Variants in LINGO1 observed in about 807,000 individuals in gnomAD.
LINGO1 encodes the protein leucine rich repeat and Ig domain containing 1, also known as leucine-rich repeat and immunoglobulin-like domain-containing nogo receptor-interacting protein 1.
A neutral mutation model predicts 37.3 loss-of-function variants in LINGO1; 11 were observed. The observed-to-expected ratio is 0.29, with a 90% CI of 0.19 to 0.49. The LOEUF (loss-of-function observed/expected upper bound fraction) is 0.49, where lower values mean the gene tolerates loss of function less well. LINGO1 is among the 20% of genes least tolerant of loss of function. The pLI, the probability that LINGO1 is intolerant of heterozygous loss-of-function variation, is 0.99. For missense variants in LINGO1, 585 were observed against 878.2 expected (o/e 0.67, Z 4.22); for synonymous variants, 387 against 403.0 (o/e 0.96, Z 0.48).
At chr15:77,772,860 C>T (rs1360102483) in intron 1 of LINGO1, among the ~76,000 whole-genome samples, 1 of 152,148 alleles carries the variant, frequency 6.6e-6, no homozygotes, top group Non-Finnish European at 1.5e-5. Context: ...AGGGGGCGCG[C>T]CTTAGCATGG....
chr15:77,623,975 T>C (rs1478927387), intron 1 of LINGO1, among the ~76,000 whole-genome samples: 3 of 146,216 alleles, frequency 2.1e-5, no homozygotes, highest in Non-Finnish European at 4.5e-5. Flanking sequence ...GTGTGTGGCC[T>C]GTGTGTGTGT....
At chr15:77,662,083 T>A (rs547926900) in intron 3 of LINGO1, among the ~76,000 whole-genome samples, 3 of 152,336 alleles carry the variant, frequency 2.0e-5, no homozygotes, top group Admixed American at 1.3e-4. Context: ...AACTTATAAC[T>A]GGCTGACAGA....
chr15:77,778,401 A>T (rs4542627), intron 1 of LINGO1, among the ~76,000 whole-genome samples: 85,553 of 152,074 alleles, frequency 0.56, 24,066 homozygotes, highest in South Asian at 0.61. Flanking sequence ...CCTGGATATC[A>T]TTGAAAGCCA....
chr15:77,625,747 C>T (rs1293302214), intron 1 of LINGO1, among the ~76,000 whole-genome samples: 1 of 152,190 alleles, frequency 6.6e-6, no homozygotes, highest in East Asian at 1.9e-4. Context: ...GTCCTGCCCA[C>T]TCCTGCATAC....
intron 1 of LINGO1, among the ~76,000 whole-genome samples, chr15:77,809,931 C>A (rs993843051): frequency 2.6e-5 from 4 of 152,152 alleles, no homozygotes; most frequent in African/African-American, 9.7e-5. Flanking sequence ...GGTGGCGCTG[C>A]AGGGCTGGAG....
intron 1 of LINGO1, among the ~76,000 whole-genome samples, chr15:77,781,938 GC>G (rs1331507339): frequency 2.6e-5 from 4 of 152,342 alleles, no homozygotes; most frequent in Middle Eastern, 3.4e-3. Flanking sequence ...CTCCTCAGAG[GC>G]CCCGCATGGG....
intron 1 of LINGO1, among the ~76,000 whole-genome samples, chr15:77,782,341 C>T (rs72730724): frequency 0.18 from 27,606 of 152,078 alleles, 2,938 homozygotes; most frequent in Admixed American, 0.32. Context: ...CACTCAGGGT[C>T]TTGCTTTCTC....
At chr15:77,693,122 C>T (rs371212357) in intron 1 of LINGO1, among the ~76,000 whole-genome samples, 2 of 152,340 alleles carry the variant, frequency 1.3e-5, no homozygotes, top group East Asian at 1.9e-4. Context: ...TCATTAACTG[C>T]TACTACAGCC....
At chr15:77,761,302 C>T (rs968815150) in intron 1 of LINGO1, among the ~76,000 whole-genome samples, 1 of 152,116 alleles carries the variant, frequency 6.6e-6, no homozygotes, top group Non-Finnish European at 1.5e-5. Context: ...TGGGGCAATA[C>T]AGGGACCCAC....
chr15:77,725,426 C>T (rs1268203838), intron 2 of LINGO1, among the ~76,000 whole-genome samples: 1 of 152,250 alleles, frequency 6.6e-6, no homozygotes, highest in Non-Finnish European at 1.5e-5. Context: ...GGCACAGTGG[C>T]GTTGCACCCA....
intron 1 of LINGO1, among the ~76,000 whole-genome samples, chr15:77,630,807 G>C (rs935960676): frequency 3.9e-5 from 6 of 152,156 alleles, no homozygotes; most frequent in African/African-American, 1.2e-4. Context: ...GGGGCAGCTG[G>C]GTGCTGCTGG....
At chr15:77,777,798 C>A (rs767805533) in intron 1 of LINGO1, among the ~76,000 whole-genome samples, 1 of 152,102 alleles carries the variant, frequency 6.6e-6, no homozygotes, top group African/African-American at 2.4e-5. Context: ...TGGCACAGAC[C>A]TGTGGTCCCA....
At chr15:77,638,089 C>T (rs763918680), upstream of LINGO1, among the ~76,000 whole-genome samples, 1 of 152,216 alleles carries the variant, frequency 6.6e-6, no homozygotes, top group Admixed American at 6.5e-5. Context: ...ACTGGGAATC[C>T]GGGGAAGCCC....
chr15:77,703,134 G>A (rs186619020), intron 2 of LINGO1, among the ~76,000 whole-genome samples: 33 of 152,258 alleles, frequency 2.2e-4, no homozygotes, highest in Admixed American at 1.0e-3. Flanking sequence ...GATAAGCCAC[G>A]GCAAGGGGCT....
intron 3 of LINGO1, chr15:77,660,239 G>C (rs926982263): frequency 1.3e-4 from 20 of 152,352 alleles, no homozygotes; most frequent in African/African-American, 4.8e-4. Flanking sequence ...TAGAGTCAAG[G>C]GTGTCCAGGG....
At chr15:77,759,591 C>G (rs1203500414) in intron 1 of LINGO1, among the ~76,000 whole-genome samples, 1 of 152,222 alleles carries the variant, frequency 6.6e-6, no homozygotes, top group Non-Finnish European at 1.5e-5. Context: ...GCAAGCGTCA[C>G]CTTCACCTCG....
chr15:77,744,372 A>G (rs1007158123), intron 1 of LINGO1, among the ~76,000 whole-genome samples: 4 of 152,098 alleles, frequency 2.6e-5, no homozygotes, highest in South Asian at 2.1e-4. Flanking sequence ...TGTCTCTACT[A>G]AAAATACAAA....
intron 1 of LINGO1, among the ~76,000 whole-genome samples, chr15:77,623,175 G>A (rs1567460773): frequency 6.6e-6 from 1 of 152,238 alleles, no homozygotes; most frequent in Non-Finnish European, 1.5e-5. Flanking sequence ...AGGCTTTGTG[G>A]TGAGGGGGAG....
chr15:77,757,246 T>C (rs1390810641), intron 1 of LINGO1, among the ~76,000 whole-genome samples: 1 of 152,238 alleles, frequency 6.6e-6, no homozygotes, highest in Non-Finnish European at 1.5e-5. Context: ...TGAGATGGGT[T>C]TTCTTGGGCA....
Sources: gnomAD v4.1 joint callset for allele counts (sites outside exome capture counted in the v4.1 genomes callset) on GRCh38, gnomAD v4.1.1 for gene constraint, MANE v1.5 for transcripts, NCBI Gene and HGNC (gene_info 2026-07-23, HGNC 2026-07-21) for gene names.